Variants in WWC1 observed in about 807,000 individuals in gnomAD.
WWC1 encodes the protein protein KIBRA.
Under a neutral mutation model 138.4 loss-of-function variants are expected in WWC1, and 55 were observed. That is an observed-to-expected ratio of 0.40 (90% CI 0.32 to 0.50). WWC1 has a LOEUF of 0.50. Among genes scored for constraint, WWC1 ranks in the 20% least tolerant of loss-of-function variants. The probability of loss-of-function intolerance (pLI) is 0.72; values close to 1 mark genes in which losing one functional copy is unlikely to be tolerated. For missense variants in WWC1, 1,226 were observed against 1,420.4 expected, an observed-to-expected ratio of 0.86 and a Z score of 2.20; for synonymous variants, 524 against 564.9, an observed-to-expected ratio of 0.93 and a Z score of 1.03.
intron 15 of WWC1, among the ~76,000 whole-genome samples, chr5:168,431,965 G>T (rs576741742): frequency 6.6e-6 from 1 of 151,576 alleles, no homozygotes; most frequent in South Asian, 2.1e-4. Flanking sequence ...TACTCTGGAG[G>T]TTGAGATGGG....
rs1231934407 is a variant in WWC1 at position 168,431,291 on chromosome 5, A to C, written c.2127A>C (p.Thr709=). ...CTGTCCTTCCTTGCTCTGAAAGCACAACCTGCCTGTTCCGGACCCGGCCTC... is the reference window on the plus strand; with the variant it reads ...CTGTCCTTCCTTGCTCTGAAAGCACCACCTGCCTGTTCCGGACCCGGCCTC... The part of the protein sequence containing the change: ...RVAVLPCSES[T]TCLFRTRPLD... The change falls in exon 15 of 23, where the codon ACA becomes ACC. Residue 709 remains threonine, a synonymous_variant. Transcript: ENST00000265293. 1.2e-6 allele frequency: 2 copies of C among 1,613,936 alleles called. No homozygotes were observed. The highest frequency in any genetic ancestry group is 2.2e-5 in the South Asian group (2 of 91,058).
intron 1 of WWC1, among the ~76,000 whole-genome samples, chr5:168,343,996 C>T (rs1774264049): frequency 6.6e-6 from 1 of 152,114 alleles, no homozygotes; most frequent in Non-Finnish European, 1.5e-5. Flanking sequence ...TTGGAGAACA[C>T]TGCTGCATCT....
At chr5:168,413,011 A>G (rs1013557446) in intron 8 of WWC1, among the ~76,000 whole-genome samples, 24 of 152,264 alleles carry the variant, frequency 1.6e-4, no homozygotes, top group African/African-American at 5.5e-4. Context: ...AAATCTAGGT[A>G]TGTTTTTCTA....
chr5:168,451,526 C>G lies in WWC1; in HGVS notation c.2526-2442C>G, dbSNP rs117041595. Among the ~76,000 whole-genome samples the G allele has an allele frequency of 4.1e-3, 621 of 152,080 alleles. 15 individuals are homozygous for G. Among genetic ancestry groups the G allele is most frequent in the East Asian group, 0.022 (112 of 5,168 alleles). On this transcript the variant is annotated intron_variant, in intron 17 of 22. Transcript: ENST00000265293. ...TCAAGATCAGCCTGGGAAACAAAAC[C>G]CCATCTCTGCAAAAGATTTACTAAA...
intron 1 of WWC1, among the ~76,000 whole-genome samples, chr5:168,312,267 G>GT (rs1771172849): frequency 6.6e-6 from 1 of 151,828 alleles, no homozygotes; most frequent in African/African-American, 2.4e-5. Flanking sequence ...GCAAAGCACA[G>GT]TTCTAACTGT....
chr5:168,320,455 C>G (rs1771971206), intron 1 of WWC1, among the ~76,000 whole-genome samples: 1 of 152,190 alleles, frequency 6.6e-6, no homozygotes, highest in African/African-American at 2.4e-5. Flanking sequence ...TGTCTGCTCT[C>G]CTTACTAACT....
rs767299145 is a variant in WWC1 at position 168,422,005 on chromosome 5, C to T, written c.1185-3C>T. The T allele has an allele frequency of 1.9e-6, 3 of 1,609,970 alleles. No individual in the cohort carries two copies. The highest frequency in any genetic ancestry group is 2.7e-5 in the African/African-American group (2 of 74,936). ...ATCCCTCGCATGCTTTCTCTCCTTC[C>T]AGGTTAAAGTTAAACAGTAAGAGGA... On this transcript the variant is annotated splice_region_variant and splice_polypyrimidine_tract_variant and intron_variant, in intron 9 of 22. Transcript: ENST00000265293.
intron 1 of WWC1, among the ~76,000 whole-genome samples, chr5:168,319,193 G>A (rs755945623): frequency 2.1e-4 from 32 of 152,092 alleles, no homozygotes; most frequent in Non-Finnish European, 3.8e-4. Flanking sequence ...GCCAAGGTGA[G>A]TGGATCACCT....
rs560888576 is a variant in WWC1 at position 168,422,194 on chromosome 5, C to T, written c.1274+97C>T. On this transcript the variant is annotated intron_variant, in intron 10 of 22. Transcript: ENST00000265293. ...CAGGCTCTACCCTTCACTTGTCCTC[C>T]GTGGCTTGAGAGTGGATGTTTAGAA... The T allele has an allele frequency of 1.3e-4, 157 of 1,252,368 alleles. No homozygotes were observed. The African/African-American group carries it at 1.9e-3, about 15-fold the overall frequency. 77.6% of individuals were successfully genotyped at this position (1,252,368 alleles called of 1,614,324 possible). A position where few individuals can be genotyped will look rare whatever the true frequency, so the allele number is the denominator to read the frequency against.
At position 168,409,827 on chromosome 5, in the gene WWC1, C is replaced by T; in HGVS notation, c.868-95C>T. ...CCGGGGGCTATTCTTGGCTACTGCCCACGCAAGCTGTCAAGTCTCTCATGA... is the reference window on the plus strand; with the variant it reads ...CCGGGGGCTATTCTTGGCTACTGCCTACGCAAGCTGTCAAGTCTCTCATGA... On this transcript the variant is annotated intron_variant, in intron 7 of 22. Transcript: ENST00000265293. 6 of 1,292,362 alleles carry T rather than the reference C, an allele frequency of 4.6e-6. 1 individual carries two copies. The South Asian group carries it at 5.9e-5, about 13-fold the overall frequency. The allele number at this position is 1,292,362 out of a possible 1,614,324, so 80.1% of individuals were successfully genotyped here. A position where few individuals can be genotyped will look rare whatever the true frequency, so the allele number is the denominator to read the frequency against.
intron 20 of WWC1, among the ~76,000 whole-genome samples, chr5:168,464,145 A>G (rs1011416153): frequency 6.6e-6 from 1 of 152,130 alleles, no homozygotes; most frequent in African/African-American, 2.4e-5. Context: ...AGGTGAGGGC[A>G]TTGTTACTCT....
chr5:168,451,061 GCTGCGATCTCGGCTCA>G (rs1755765904), intron 17 of WWC1, among the ~76,000 whole-genome samples: 2 of 151,502 alleles, frequency 1.3e-5, no homozygotes, highest in African/African-American at 4.8e-5. Flanking sequence ...TGTTGCCCAG[GCTGCGATCTCGGCTCA>G]CTGCAATCTC....
At chr5:168,346,126 C>T (rs1774451671) in intron 1 of WWC1, among the ~76,000 whole-genome samples, 1 of 139,468 alleles carries the variant, frequency 7.2e-6, no homozygotes, top group Non-Finnish European at 1.6e-5. Flanking sequence ...CTGGCTCTCC[C>T]TCCACCTGAA....
intron 9 of WWC1, among the ~76,000 whole-genome samples, chr5:168,417,454 T>G (rs1780748045): frequency 6.6e-6 from 1 of 152,050 alleles, no homozygotes; most frequent in African/African-American, 2.4e-5. Context: ...ATAATCTCAT[T>G]TAAACCTCCC....
At chr5:168,317,934 C>T (rs746024145) in intron 1 of WWC1, among the ~76,000 whole-genome samples, 1 of 152,208 alleles carries the variant, frequency 6.6e-6, no homozygotes, top group Admixed American at 6.5e-5. Flanking sequence ...TCTGAGAACA[C>T]GTTCACAGAT....
At chr5:168,447,831 C>T (rs746455087) in intron 17 of WWC1, among the ~76,000 whole-genome samples, 1 of 151,850 alleles carries the variant, frequency 6.6e-6, no homozygotes, top group Non-Finnish European at 1.5e-5. Flanking sequence ...TGACCCCTGG[C>T]CATCTCCCTC....
chr5:168,364,091 A>T lies in WWC1; in HGVS notation c.120-7333A>T, dbSNP rs139633378. 5.8e-4 allele frequency among the ~76,000 whole-genome samples: 89 copies of T among 152,248 alleles called. No individual in the cohort carries two copies. The East Asian group carries it at 0.014, about 24-fold the overall frequency. ...CCCGGCACTAGATACTGTATAGGTTATCTCATTTAATCCCCACAACACCCT... is the reference window on the plus strand; with the variant it reads ...CCCGGCACTAGATACTGTATAGGTTTTCTCATTTAATCCCCACAACACCCT... On this transcript the variant is annotated intron_variant, in intron 1 of 22. Coordinates refer to ENST00000265293, the MANE Select transcript of WWC1 (RefSeq NM_015238.3).
chr5:168,301,665 C>T (rs1770093861), intron 1 of WWC1, among the ~76,000 whole-genome samples: 1 of 151,658 alleles, frequency 6.6e-6, no homozygotes, highest in African/African-American at 2.4e-5. Context: ...AGTAAGTGAC[C>T]TTGAACCAGT....
At chr5:168,408,324 G>C (rs1254022340) in intron 6 of WWC1, among the ~76,000 whole-genome samples, 183 bp from the exon 7 acceptor site, 2 of 150,724 alleles carry the variant, frequency 1.3e-5, no homozygotes, top group Non-Finnish European at 1.5e-5. Context: ...GCCCAGCGCA[G>C]AGCCTGGCAC....
Sources: gnomAD v4.1 joint callset for allele counts (sites outside exome capture counted in the v4.1 genomes callset) on GRCh38, gnomAD v4.1.1 for gene constraint, MANE v1.5 for transcripts, NCBI Gene and HGNC (gene_info 2026-07-23, HGNC 2026-07-21) for gene names.